KCNIP4: variants seen among roughly 807,000 people sequenced by gnomAD.
KCNIP4 encodes the protein Kv channel-interacting protein 4.
In KCNIP4, 12 loss-of-function variants were observed where a neutral mutation model predicts 34.0. The observed-to-expected ratio is 0.35, with a 90% CI of 0.23 to 0.57. The LOEUF (loss-of-function observed/expected upper bound fraction) is 0.57. Among genes scored for constraint, KCNIP4 ranks in the 20% least tolerant of loss-of-function variants. KCNIP4 has a pLI of 0.83. For synonymous variants in KCNIP4, 124 were observed against 102.2 expected (o/e 1.21, Z -1.29); for missense variants, 238 against 311.7 (o/e 0.76, Z 1.78).
chr4:21,757,170 G>GAAAGAAAGAAAGAAA (rs1560691312), intron 1 of KCNIP4, among the ~76,000 whole-genome samples: 9 of 33,666 alleles, frequency 2.7e-4, no homozygotes, highest in South Asian at 1.2e-3. Flanking sequence ...AAAGAAAGAA[G>GAAAGAAAGAAAGAAA]GAAGGAAGGA....
chr4:21,738,748 T>C (rs1329342599), intron 1 of KCNIP4, among the ~76,000 whole-genome samples: 1 of 152,166 alleles, frequency 6.6e-6, no homozygotes, highest in Non-Finnish European at 1.5e-5. Context: ...TGCATTTGTC[T>C]GGCCATTTCC....
At chr4:21,862,243 G>T (rs1040108260) in intron 1 of KCNIP4, among the ~76,000 whole-genome samples, 1 of 152,100 alleles carries the variant, frequency 6.6e-6, no homozygotes, top group African/African-American at 2.4e-5. Context: ...TATCTAGTTA[G>T]CATGCTTAGT....
intron 1 of KCNIP4, among the ~76,000 whole-genome samples, chr4:20,970,485 C>T (rs1378593307): frequency 2.0e-5 from 3 of 152,152 alleles, no homozygotes; most frequent in Non-Finnish European, 4.4e-5. Flanking sequence ...TATACCTCAA[C>T]TCTATGGTTC....
Position 20,936,333 on chromosome 4 carries a change from A to G in KCNIP4, c.62-53624T>C, listed in dbSNP as rs372850194. 9.8e-5 allele frequency among the ~76,000 whole-genome samples: 15 copies of G among 152,304 alleles called. No individual in the cohort carries two copies. In the South Asian group the frequency reaches 2.7e-3, roughly 27 times the overall value. ...GGGGACTACCTAACACAACCATAGT[A>G]TAGAAAACGGGTTCATTTATTCATT... is the stretch of plus-strand genomic sequence containing the variant. On this transcript the variant is annotated intron_variant, in intron 1 of 8. Coordinates refer to ENST00000382152, the MANE Select transcript of KCNIP4 (RefSeq NM_025221.6).
chr4:21,192,045 T>G (rs149079331), intron 1 of KCNIP4, among the ~76,000 whole-genome samples: 3,163 of 152,286 alleles, frequency 0.021, 50 homozygotes, highest in South Asian at 0.03. Flanking sequence ...TGATTTTGAA[T>G]CCTTTCCTCT....
intron 1 of KCNIP4, among the ~76,000 whole-genome samples, chr4:21,413,141 AT>A (rs1724650459): frequency 6.6e-6 from 1 of 152,156 alleles, no homozygotes. Flanking sequence ...TAACCATCAT[AT>A]TTTTATTTGG....
intron 1 of KCNIP4, among the ~76,000 whole-genome samples, chr4:21,399,466 T>C (rs1335272582): frequency 6.6e-6 from 1 of 152,200 alleles, no homozygotes; most frequent in Non-Finnish European, 1.5e-5. Flanking sequence ...ACATATTAAA[T>C]TAAGTTCCAC....
chr4:21,394,635 C>G (rs948230099), intron 1 of KCNIP4, among the ~76,000 whole-genome samples: 1 of 152,090 alleles, frequency 6.6e-6, no homozygotes, highest in African/African-American at 2.4e-5. Context: ...GCAATATACA[C>G]TGGGAAACTG....
intron 1 of KCNIP4, among the ~76,000 whole-genome samples, chr4:21,275,952 G>C: frequency 6.6e-6 from 1 of 152,096 alleles, no homozygotes; most frequent in Admixed American, 6.6e-5. Context: ...TAGCTGATGA[G>C]TTATAAAAGA....
Position 21,859,213 on chromosome 4 carries a change from G to A in KCNIP4, c.61+89358C>T, listed in dbSNP as rs112910191. Among the ~76,000 whole-genome samples, 49 of 152,234 alleles carry A rather than the reference G, an allele frequency of 3.2e-4. 1 individual carries two copies. Among genetic ancestry groups the A allele is most frequent in the African/African-American group, 9.9e-4 (41 of 41,538 alleles). ...CATCCCTATGCACACTTGGCAAAGG[G>A]CAAGACATTTCCAGATTTTTTGTGG... On this transcript the variant is annotated intron_variant, in intron 1 of 8. Coordinates refer to ENST00000382152, the MANE Select transcript of KCNIP4 (RefSeq NM_025221.6).
Position 20,876,864 on chromosome 4 carries a change from G to A in KCNIP4, c.163+5744C>T, listed in dbSNP as rs192335137. Reference sequence around the variant, plus strand: ...TGGGATTACAGGCGTGAGCCACCGCGCCTGGCCCATGAAGAAATCTTATAA... The same window carrying A: ...TGGGATTACAGGCGTGAGCCACCGCACCTGGCCCATGAAGAAATCTTATAA... On this transcript the variant is annotated intron_variant, in intron 2 of 8. Coordinates refer to ENST00000382152, the MANE Select transcript of KCNIP4 (RefSeq NM_025221.6). Among the ~76,000 whole-genome samples, 13 of 152,230 alleles carry A rather than the reference G, an allele frequency of 8.5e-5. No individual in the cohort carries two copies. In the South Asian group the frequency reaches 1.0e-3, roughly 12 times the overall value.
At chr4:21,058,721 T>A (rs1009195020) in intron 1 of KCNIP4, among the ~76,000 whole-genome samples, 3 of 152,118 alleles carry the variant, frequency 2.0e-5, no homozygotes, top group African/African-American at 7.2e-5. Context: ...TTACCCAAAC[T>A]TTTTTCTATA....
intron 1 of KCNIP4, among the ~76,000 whole-genome samples, chr4:21,537,622 TAG>T (rs1737302760): frequency 6.6e-6 from 1 of 152,114 alleles, no homozygotes; most frequent in Admixed American, 6.5e-5. Context: ...TATTTGGAAA[TAG>T]AGTCTTTGCA....
At chr4:21,481,844 T>A (rs1001613758) in intron 1 of KCNIP4, among the ~76,000 whole-genome samples, 1 of 152,234 alleles carries the variant, frequency 6.6e-6, no homozygotes, top group East Asian at 1.9e-4. Context: ...ATGTGAGAAA[T>A]GTAGGAAATT....
At chr4:21,330,810 C>T (rs1715556133) in intron 1 of KCNIP4, among the ~76,000 whole-genome samples, 1 of 152,126 alleles carries the variant, frequency 6.6e-6, no homozygotes, top group Non-Finnish European at 1.5e-5. Context: ...CAACTCCAGC[C>T]TCAGTTGTTT....
chr4:21,778,407 A>C (rs1328236588), intron 1 of KCNIP4, among the ~76,000 whole-genome samples: 1 of 151,218 alleles, frequency 6.6e-6, no homozygotes, highest in Non-Finnish European at 1.5e-5. Context: ...GCAATGAAAA[A>C]AAAAACTGGT....
chr4:20,858,211 CAAAAAAAAAAAA>C (rs778798968), intron 2 of KCNIP4, among the ~76,000 whole-genome samples: 10 of 70,738 alleles, frequency 1.4e-4, no homozygotes, highest in African/African-American at 2.5e-4. Context: ...AACTCCATCT[CAAAAAAAAAAAA>C]AAAAAAAAAA....
intron 1 of KCNIP4, among the ~76,000 whole-genome samples, chr4:21,199,039 C>T (rs1417474051): frequency 6.6e-6 from 1 of 152,136 alleles, no homozygotes; most frequent in Non-Finnish European, 1.5e-5. Flanking sequence ...TGGTGCTGTC[C>T]TTTCTCTTTG....
At chr4:21,766,528 C>T (rs1218427508) in intron 1 of KCNIP4, among the ~76,000 whole-genome samples, 1 of 152,080 alleles carries the variant, frequency 6.6e-6, no homozygotes, top group African/African-American at 2.4e-5. Context: ...TCACTGTTGG[C>T]ATAAAGCGAA....
Sources: gnomAD v4.1 joint callset for allele counts (sites outside exome capture counted in the v4.1 genomes callset) on GRCh38, gnomAD v4.1.1 for gene constraint, MANE v1.5 for transcripts, NCBI Gene and HGNC (gene_info 2026-07-23, HGNC 2026-07-21) for gene names.